TLCD4: variants seen among roughly 807,000 people sequenced by gnomAD.
TLCD4 encodes the protein TLC domain-containing protein 4.
Under a neutral mutation model 24.2 loss-of-function variants are expected in TLCD4, and 7 were observed. That is an observed-to-expected ratio of 0.29 (90% CI 0.16 to 0.54). The LOEUF is 0.54. Among genes scored for constraint, TLCD4 ranks in the 20% least tolerant of loss-of-function variants. TLCD4 has a pLI of 0.95. For synonymous variants in TLCD4, 103 were observed against 106.4 expected (o/e 0.97, Z 0.20); for missense variants, 259 against 313.9 (o/e 0.82, Z 1.32).
chr1:95,109,199 T>A, the TLCD4 span, among the ~76,000 whole-genome samples: 1 of 151,862 alleles, frequency 6.6e-6, no homozygotes, highest in African/African-American at 2.4e-5. Flanking sequence ...CTGGTGGGTG[T>A]GCCTACAGTC....
At chr1:95,182,891 C>T (rs546336591) in intron 6 of TLCD4, among the ~76,000 whole-genome samples, 283 of 151,760 alleles carry the variant, frequency 1.9e-3, no homozygotes, top group African/African-American at 6.6e-3. Context: ...AAAGAATCAA[C>T]ATAGGATTTT....
the TLCD4 span, among the ~76,000 whole-genome samples, chr1:95,111,133 T>TA: frequency 3.9e-3 from 566 of 146,832 alleles, 6 homozygotes; most frequent in African/African-American, 0.014. Context: ...CCACATAAAA[T>TA]AAAAAAAAAA....
upstream of TLCD4, among the ~76,000 whole-genome samples, chr1:95,115,106 A>ATATATATATAAT (rs398103047): frequency 1.9e-5 from 2 of 102,608 alleles, no homozygotes; most frequent in Non-Finnish European, 4.7e-5. Context: ...ATATATATAT[A>ATATATATATAAT]ATATATATGT....
intron 2 of TLCD4, among the ~76,000 whole-genome samples, chr1:95,145,944 G>C (rs545993939): frequency 6.6e-6 from 1 of 152,244 alleles, no homozygotes; most frequent in African/African-American, 2.4e-5. Context: ...TCTCAAGTTT[G>C]CTCCTGCTTC....
At chr1:95,093,276 G>A in the TLCD4 span, among the ~76,000 whole-genome samples, 1 of 152,116 alleles carries the variant, frequency 6.6e-6, no homozygotes, top group Non-Finnish European at 1.5e-5. Flanking sequence ...ATTTCTGCTT[G>A]GAAAGAAAAC....
At chr1:95,148,555 C>T in intron 2 of TLCD4, 147 bp from the exon 3 acceptor site, 1 of 1,057,134 alleles carries the variant, frequency 9.5e-7, no homozygotes, top group Non-Finnish European at 1.3e-6. Context: ...CAAGAAATGG[C>T]AATTTTGCAT....
intron 1 of TLCD4, among the ~76,000 whole-genome samples, chr1:95,142,873 C>T (rs1677244269): frequency 6.6e-6 from 1 of 151,054 alleles, no homozygotes; most frequent in Non-Finnish European, 1.5e-5. Context: ...TTGCTTGAAT[C>T]CGGGAGGCGG....
At chr1:95,152,708 C>A (rs942167981) in intron 5 of TLCD4, among the ~76,000 whole-genome samples, 11 of 152,036 alleles carry the variant, frequency 7.2e-5, no homozygotes, top group African/African-American at 2.7e-4. Flanking sequence ...TTAATGAATC[C>A]TCTTCTGTCT....
the TLCD4 span, among the ~76,000 whole-genome samples, chr1:95,103,059 A>C: frequency 6.6e-6 from 1 of 151,856 alleles, no homozygotes; most frequent in African/African-American, 2.4e-5. Flanking sequence ...GCTCACTGCA[A>C]CCTCCGCCTC....
intron 3 of TLCD4, 92 bp from the exon 4 acceptor site, chr1:95,150,116 C>T (rs1677451708): frequency 1.4e-6 from 2 of 1,447,580 alleles, no homozygotes; most frequent in African/African-American, 2.9e-5. Context: ...CTATAGAAAG[C>T]AATTTTATTA....
the TLCD4 span, among the ~76,000 whole-genome samples, chr1:95,105,624 G>A: frequency 4.6e-5 from 7 of 152,052 alleles, no homozygotes; most frequent in East Asian, 3.8e-4. Flanking sequence ...GGCCGGGCGC[G>A]GTGGCTCACG....
intron 6 of TLCD4, among the ~76,000 whole-genome samples, chr1:95,186,098 T>C (rs1271142439): frequency 2.0e-5 from 3 of 152,196 alleles, no homozygotes; most frequent in Non-Finnish European, 2.9e-5. Flanking sequence ...TTAATAAAGA[T>C]TGGTGGGTAA....
chr1:95,148,591 T>C (rs1677410434), intron 2 of TLCD4, 111 bp from the exon 3 acceptor site: 3 of 1,429,036 alleles, frequency 2.1e-6, no homozygotes, highest in African/African-American at 2.8e-5. Context: ...ACTTCACACC[T>C]GTATATAAAT....
intron 1 of TLCD4, among the ~76,000 whole-genome samples, chr1:95,122,274 C>T (rs1255404225): frequency 1.3e-5 from 2 of 152,288 alleles, no homozygotes; most frequent in Admixed American, 1.3e-4. Flanking sequence ...GCCAGAGAAT[C>T]GCTTGAACCT....
intron 1 of TLCD4, among the ~76,000 whole-genome samples, chr1:95,127,635 G>A (rs1431295798): frequency 6.6e-6 from 1 of 152,204 alleles, no homozygotes; most frequent in African/African-American, 2.4e-5. Flanking sequence ...AGGTGGAAAA[G>A]GCAGTCTGTA....
chr1:95,149,156 G>A (rs1203265376), intron 3 of TLCD4, among the ~76,000 whole-genome samples: 1 of 152,052 alleles, frequency 6.6e-6, no homozygotes. Context: ...AGACTTTTTT[G>A]TCTCCAATTT....
In TLCD4 at chr1:95,141,792, T is replaced by TACACACACACACACACAC. The variant is rs3075917; in HGVS notation, c.-11-2075_-11-2058dup. ...TTGTAATATCAATATTTTTACCAAG[T>TACACACACACACACACAC]ACACACACACACACACACACACACA... On this transcript the variant is annotated intron_variant, in intron 1 of 6. Coordinates refer to ENST00000370203, the MANE Select transcript of TLCD4 (RefSeq NM_152487.3). Among the ~76,000 whole-genome samples the TACACACACACACACACAC allele has an allele frequency of 3.1e-3, 431 of 138,664 alleles. 2 individuals are homozygous for TACACACACACACACACAC. Among genetic ancestry groups the TACACACACACACACACAC allele is most frequent in the Non-Finnish European group, 4.2e-3 (271 of 63,964 alleles). The allele number at this position is 138,664 out of a possible 152,430, so 91.0% of individuals were successfully genotyped here.
intron 6 of TLCD4, among the ~76,000 whole-genome samples, chr1:95,178,269 T>G (rs1163999771): frequency 2.0e-5 from 3 of 151,352 alleles, no homozygotes; most frequent in Non-Finnish European, 4.4e-5. Context: ...TTATTATTTA[T>G]TTGTTTTTGA....
chr1:95,146,872 G>A (rs915664337), intron 2 of TLCD4, among the ~76,000 whole-genome samples: 1 of 152,130 alleles, frequency 6.6e-6, no homozygotes, highest in African/African-American at 2.4e-5. Flanking sequence ...CATCTCAAAA[G>A]AGAAGTGAAT....
Sources: gnomAD v4.1 joint callset for allele counts (sites outside exome capture counted in the v4.1 genomes callset) on GRCh38, gnomAD v4.1.1 for gene constraint, MANE v1.5 for transcripts, NCBI Gene and HGNC (gene_info 2026-07-23, HGNC 2026-07-21) for gene names.